The following NAV1 variants were observed in gnomAD, a reference collection of about 807,000 sequenced individuals.
NAV1 encodes neuron navigator 1.
NAV1 carries 18 observed loss-of-function variants against 175.2 expected under a neutral mutation model. The ratio of observed to expected loss-of-function variants is 0.10; its 90% CI spans 0.07 to 0.15. NAV1 has a LOEUF of 0.15. Ranked by LOEUF, NAV1 falls within the 10% of genes least tolerant of loss-of-function variation. NAV1 has a pLI of 1.00. For missense variants in NAV1, 1,731 were observed against 2,436.6 expected (o/e 0.71, Z 6.10); for synonymous variants, 897 against 978.7 (o/e 0.92, Z 1.56).
At chr1:201,685,064 G>A (rs968401697) in intron 1 of NAV1, among the ~76,000 whole-genome samples, 1 of 55,750 alleles carries the variant, frequency 1.8e-5, no homozygotes, top group Non-Finnish European at 3.6e-5. Context: ...GATCACTTGA[G>A]GTCAGAAATT....
chr1:201,542,051 C>A (rs1157015000), intron 1 of NAV1, among the ~76,000 whole-genome samples: 1 of 152,194 alleles, frequency 6.6e-6, no homozygotes, highest in Non-Finnish European at 1.5e-5. Context: ...CCACTCCTCC[C>A]AACCCCTGCT....
intron 2 of NAV1, among the ~76,000 whole-genome samples, chr1:201,608,515 C>T (rs1470518511): frequency 6.6e-6 from 1 of 152,208 alleles, no homozygotes; most frequent in Non-Finnish European, 1.5e-5. Context: ...GTCAGTGAGG[C>T]ACCGAGTACA....
At chr1:201,701,009 CAAAAAAA>C (rs386369321) in intron 1 of NAV1, among the ~76,000 whole-genome samples, 13 of 52,764 alleles carry the variant, frequency 2.5e-4, no homozygotes, top group Admixed American at 1.0e-3. Context: ...GACTCTGTCT[CAAAAAAA>C]AAAAAAAAAA....
chr1:201,689,065 C>G (rs1196144277), intron 1 of NAV1, among the ~76,000 whole-genome samples: 1 of 152,194 alleles, frequency 6.6e-6, no homozygotes, highest in African/African-American at 2.4e-5. Flanking sequence ...GGCAGTTAAT[C>G]CCAGCACACA....
At chr1:201,566,310 G>A (rs568500333) in intron 1 of NAV1, among the ~76,000 whole-genome samples, 6 of 152,064 alleles carry the variant, frequency 3.9e-5, no homozygotes, top group Admixed American at 2.0e-4. Flanking sequence ...GAGGCTCACC[G>A]CCTCCAGGAA....
chr1:201,726,310 T>C (rs1672604094), intron 3 of NAV1, among the ~76,000 whole-genome samples: 1 of 152,216 alleles, frequency 6.6e-6, no homozygotes, highest in African/African-American at 2.4e-5. Flanking sequence ...AAAAGAATAG[T>C]AAGAGTGCTT....
rs1674473245 is a variant in NAV1, at chr1:201,756,529, G to A, written c.1227-23892G>A. Reference sequence around the variant, plus strand: ...AACATTTGGTCTCTCTGGCCAAATAGACTGATGGTGTCCTGGGTTGTTGCC... The same window carrying A: ...AACATTTGGTCTCTCTGGCCAAATAAACTGATGGTGTCCTGGGTTGTTGCC... On this transcript the variant is annotated intron_variant, in intron 3 of 29. Transcript: ENST00000367296. Among the ~76,000 whole-genome samples, 3 of 152,318 alleles carry A rather than the reference G, an allele frequency of 2.0e-5. 1 individual carries two copies. In the South Asian group the frequency reaches 6.2e-4, roughly 32 times the overall value.
upstream of NAV1, among the ~76,000 whole-genome samples, chr1:201,645,554 T>TAATAA (rs937219843): frequency 7.2e-5 from 11 of 151,918 alleles, no homozygotes; most frequent in Non-Finnish European, 1.2e-4. Context: ...ATTATAATAA[T>TAATAA]AATAAAATAA....
intron 1 of NAV1, among the ~76,000 whole-genome samples, chr1:201,556,720 G>A (rs546322253): frequency 3.2e-4 from 48 of 152,316 alleles, no homozygotes; most frequent in Non-Finnish European, 5.3e-4. Flanking sequence ...CTAAGGACCA[G>A]CCCTGCCCCC....
intron 1 of NAV1, among the ~76,000 whole-genome samples, chr1:201,578,433 G>T (rs140309668): frequency 1.1e-3 from 161 of 152,304 alleles, no homozygotes; most frequent in African/African-American, 3.7e-3. Flanking sequence ...TGAGCTGAGG[G>T]TGGCTTATCT....
chr1:201,705,362 C>T (rs11579268), intron 1 of NAV1, among the ~76,000 whole-genome samples: 38,869 of 152,170 alleles, frequency 0.26, 6,058 homozygotes, highest in Non-Finnish European at 0.35. Flanking sequence ...CCTTGCCTCA[C>T]ACACCCATGT....
intron 1 of NAV1, among the ~76,000 whole-genome samples, chr1:201,675,221 A>T (rs1670200683): frequency 1.3e-5 from 2 of 152,080 alleles, no homozygotes; most frequent in African/African-American, 4.8e-5. Flanking sequence ...TGTCACACCA[A>T]CATGTCCTCC....
At chr1:201,728,708 TC>T (rs1414132624) in intron 3 of NAV1, among the ~76,000 whole-genome samples, 3 of 150,802 alleles carry the variant, frequency 2.0e-5, no homozygotes, top group Admixed American at 2.0e-4. Flanking sequence ...CAATCCCCGA[TC>T]CCCCCTGAAC....
At chr1:201,747,218 G>A (rs1673827836) in intron 3 of NAV1, among the ~76,000 whole-genome samples, 1 of 152,110 alleles carries the variant, frequency 6.6e-6, no homozygotes, top group Non-Finnish European at 1.5e-5. Context: ...GGCTGTGCGG[G>A]CAGTTGCCCT....
At position 201,642,553 on chromosome 1, in the gene NAV1, CTTTT is replaced by C. The variant is rs796439617; in HGVS notation, c.5-6078_5-6075del. Among the ~76,000 whole-genome samples the C allele has an allele frequency of 4.7e-4, 60 of 128,790 alleles. 1 individual carries two copies. Among genetic ancestry groups the C allele is most frequent in the East Asian group, 1.4e-3 (7 of 4,868 alleles). 84.5% of individuals were successfully genotyped at this position (128,790 alleles called of 152,430 possible). A position where few individuals can be genotyped will look rare whatever the true frequency, so the allele number is the denominator to read the frequency against. The stretch of plus-strand genomic sequence containing the variant: ...TCTTTCTTTCTTTCTTTCTTTCTTT[CTTTT>C]TTCCCTTTCTTCCCTTCCTTCTCTT... On this transcript the variant is annotated intron_variant, in intron 2 of 29. Transcript: ENST00000367302.
exon 1 of NAV1, chr1:201,648,249 C>T: frequency 9.7e-7 from 1 of 1,029,154 alleles, no homozygotes; most frequent in African/African-American, 1.7e-5. Context: ...GTGCGGTGTC[C>T]ACGGGACTGA....
intron 2 of NAV1, among the ~76,000 whole-genome samples, chr1:201,629,974 G>T (rs1172178350): frequency 6.6e-6 from 1 of 152,186 alleles, no homozygotes; most frequent in Non-Finnish European, 1.5e-5. Flanking sequence ...GTAGTCATGA[G>T]ATATCACCTG....
chr1:201,735,989 C>T (rs1383856375), intron 3 of NAV1, among the ~76,000 whole-genome samples: 1 of 152,184 alleles, frequency 6.6e-6, no homozygotes, highest in Non-Finnish European at 1.5e-5. Flanking sequence ...TTAATTCTTT[C>T]TCTTTTTAAT....
chr1:201,790,914 G>A (rs1451796986), intron 13 of NAV1, 148 bp downstream of exon 17: 3 of 695,652 alleles, frequency 4.3e-6, no homozygotes, highest in Non-Finnish European at 7.2e-6. Context: ...TATGATAGAA[G>A]ACGAGGGGAT....
Sources: allele counts gnomAD v4.1 joint callset (sites outside exome capture counted in the v4.1 genomes callset), GRCh38; gene constraint gnomAD v4.1.1; transcripts MANE v1.5; gene names NCBI Gene and HGNC (gene_info 2026-07-23, HGNC 2026-07-21).